Variants in ROR1 observed in about 807,000 individuals in gnomAD.
ROR1 encodes inactive tyrosine-protein kinase transmembrane receptor ROR1.
A neutral mutation model predicts 78.8 loss-of-function variants in ROR1; 19 were observed. The ratio of observed to expected loss-of-function variants is 0.24; its 90% CI spans 0.17 to 0.35. ROR1 has a LOEUF of 0.35. ROR1 is among the 10% of genes least tolerant of loss of function. ROR1 has a pLI of 1.00. For missense variants in ROR1, 917 were observed against 1,177.8 expected (o/e 0.78, Z 3.24); for synonymous variants, 386 against 433.6 (o/e 0.89, Z 1.36).
intron 4 of ROR1, among the ~76,000 whole-genome samples, chr1:64,099,262 G>A (rs145327544): frequency 3.5e-4 from 54 of 152,290 alleles, no homozygotes; most frequent in African/African-American, 1.2e-3. Flanking sequence ...TCAGAGTGGT[G>A]AAGAATCTTG....
At chr1:63,909,066 C>T (rs145033239) in intron 1 of ROR1, among the ~76,000 whole-genome samples, 127 of 152,264 alleles carry the variant, frequency 8.3e-4, no homozygotes, top group Non-Finnish European at 1.5e-3. Flanking sequence ...AGCAAACAGG[C>T]ACTTTTTTGT....
intron 1 of ROR1, among the ~76,000 whole-genome samples, chr1:63,919,092 A>G (rs1645632943): frequency 6.6e-6 from 1 of 152,228 alleles, no homozygotes; most frequent in Non-Finnish European, 1.5e-5. Context: ...GCTTTGAAAC[A>G]TCTTTGAAAT....
intron 1 of ROR1, among the ~76,000 whole-genome samples, chr1:63,985,788 G>A (rs1319960308): frequency 1.3e-5 from 2 of 151,630 alleles, no homozygotes; most frequent in South Asian, 2.1e-4. Context: ...TGTATAATGT[G>A]TGTATAAAAA....
At chr1:63,977,035 C>T (rs904811573) in intron 1 of ROR1, among the ~76,000 whole-genome samples, 6 of 152,146 alleles carry the variant, frequency 3.9e-5, no homozygotes, top group East Asian at 1.9e-4. Context: ...TTCTTCTTCA[C>T]ATAATGGCAG....
intron 1 of ROR1, among the ~76,000 whole-genome samples, chr1:63,817,213 G>T (rs1644897364): frequency 6.6e-6 from 1 of 152,114 alleles, no homozygotes; most frequent in African/African-American, 2.4e-5. Context: ...CTGTAATGCT[G>T]CCCTGCCTGA....
At chr1:63,845,646 G>A (rs1211986804) in intron 1 of ROR1, among the ~76,000 whole-genome samples, 1 of 152,078 alleles carries the variant, frequency 6.6e-6, no homozygotes, top group Non-Finnish European at 1.5e-5. Context: ...TGCCTTGTTT[G>A]CCACTGCCTG....
At chr1:63,860,011 C>T (rs939612737) in intron 1 of ROR1, among the ~76,000 whole-genome samples, 4 of 152,066 alleles carry the variant, frequency 2.6e-5, no homozygotes, top group African/African-American at 9.7e-5. Flanking sequence ...AGAAACTGGC[C>T]TAAGTGGTAG....
At chr1:63,823,532 C>T (rs1644935974) in intron 1 of ROR1, among the ~76,000 whole-genome samples, 1 of 149,010 alleles carries the variant, frequency 6.7e-6, no homozygotes, top group Admixed American at 6.8e-5. Flanking sequence ...TCGTTGTAAC[C>T]TCAGACTTCT....
chr1:64,116,347 C>A (rs532283370), intron 4 of ROR1, among the ~76,000 whole-genome samples: 1 of 152,046 alleles, frequency 6.6e-6, no homozygotes, highest in Non-Finnish European at 1.5e-5. Context: ...TTATGCCTGG[C>A]GAATGTGCAC....
rs565565358 is a variant in ROR1 at position 64,055,214 on chromosome 1, T to C, written c.482+4498T>C. Among the ~76,000 whole-genome samples the C allele has an allele frequency of 3.3e-5, 5 of 152,372 alleles. No homozygotes were observed. In the East Asian group the frequency reaches 9.6e-4, roughly 29 times the overall value. On this transcript the variant is annotated intron_variant, in intron 4 of 8. Coordinates refer to ENST00000371079, the MANE Select transcript of ROR1 (RefSeq NM_005012.4). ...CATGCAAAACTCTTGCAAATGTTAT[T>C]CTAATGTGTGAGAGCTTTCAGAAGC... is the stretch of plus-strand genomic sequence containing the variant.
chr1:63,896,731 C>T (rs1282828239), intron 1 of ROR1, among the ~76,000 whole-genome samples: 7 of 151,824 alleles, frequency 4.6e-5, no homozygotes, highest in South Asian at 2.1e-4. Flanking sequence ...AATGTAGACT[C>T]GTGTGTGAAC....
intron 7 of ROR1, among the ~76,000 whole-genome samples, chr1:64,151,315 A>G (rs1649615229): frequency 6.6e-6 from 1 of 152,204 alleles, no homozygotes. Context: ...TCAGCAACCC[A>G]GCAAGGAGGA....
At chr1:64,119,549 G>T (rs564458609) in intron 4 of ROR1, among the ~76,000 whole-genome samples, 1 of 148,690 alleles carries the variant, frequency 6.7e-6, no homozygotes, top group Non-Finnish European at 1.5e-5. Context: ...TGAGGCAGGA[G>T]AATCACTTGA....
At chr1:64,167,905 G>A (rs1650128189) in intron 8 of ROR1, among the ~76,000 whole-genome samples, 2 of 152,324 alleles carry the variant, frequency 1.3e-5, no homozygotes, top group Middle Eastern at 3.4e-3. Context: ...CTTTTAAAAT[G>A]TAGAGTCCTT....
rs1241386226 is a variant in ROR1 at position 63,858,966 on chromosome 1, A to G, written c.91+84458A>G. 2.0e-5 allele frequency among the ~76,000 whole-genome samples: 3 copies of G among 152,184 alleles called. No individual in the cohort carries two copies. The East Asian group carries it at 5.8e-4, about 29-fold the overall frequency. ...TAAATGTGTTCCGTCTTGGGATGTG[A>G]GATGGGATAATTGAATAAGAAATTA... On this transcript the variant is annotated intron_variant, in intron 1 of 8. Transcript: ENST00000371079.
At chr1:64,092,627 T>A (rs1647209260) in intron 4 of ROR1, among the ~76,000 whole-genome samples, 1 of 152,210 alleles carries the variant, frequency 6.6e-6, no homozygotes, top group Non-Finnish European at 1.5e-5. Flanking sequence ...ACTTTTTGAA[T>A]GTATCCCATT....
chr1:63,978,291 C>T (rs1646178489), intron 1 of ROR1, among the ~76,000 whole-genome samples: 1 of 152,176 alleles, frequency 6.6e-6, no homozygotes, highest in South Asian at 2.1e-4. Flanking sequence ...TTGTTTACAA[C>T]TTTTATCTTC....
chr1:64,014,721 A>ATATATATATATATATATG (rs200268487), intron 2 of ROR1, among the ~76,000 whole-genome samples: 1,110 of 55,238 alleles, frequency 0.02, 124 homozygotes, highest in African/African-American at 0.058. Flanking sequence ...GACTATATAT[A>ATATATATATATATATATG]TATATACACA....
At chr1:63,787,476 T>TCCTTCCTTCCTTCCTTCCTTCCTG (rs1331155403) in intron 1 of ROR1, among the ~76,000 whole-genome samples, 82 of 132,536 alleles carry the variant, frequency 6.2e-4, no homozygotes, top group African/African-American at 1.8e-3. Context: ...CTTCCTTCCT[T>TCCTTCCTTCCTTCCTTCCTTCCTG]CCTTCCTGCC....
Sources: allele counts gnomAD v4.1 joint callset (sites outside exome capture counted in the v4.1 genomes callset), GRCh38; gene constraint gnomAD v4.1.1; transcripts MANE v1.5; gene names NCBI Gene and HGNC (gene_info 2026-07-23, HGNC 2026-07-21).